Variants in RAPGEF4 observed in about 807,000 individuals in gnomAD.
The protein encoded by RAPGEF4 is RAP guanine-nucleotide-exchange factor (GEF) 4.
A neutral mutation model predicts 147.9 loss-of-function variants in RAPGEF4; 66 were observed. The observed-to-expected ratio is 0.45, with a 90% CI of 0.37 to 0.55. RAPGEF4 has a LOEUF of 0.55. Ranked by LOEUF, RAPGEF4 falls within the 20% of genes least tolerant of loss-of-function variation. RAPGEF4 has a pLI of 0.00. For synonymous variants in RAPGEF4, 419 were observed against 442.7 expected (o/e 0.95, Z 0.67); for missense variants, 1,071 against 1,257.3 (o/e 0.85, Z 2.24).
At chr2:172,883,800 A>G (rs1347106833) in intron 4 of RAPGEF4, among the ~76,000 whole-genome samples, 4 of 152,092 alleles carry the variant, frequency 2.6e-5, no homozygotes, top group Admixed American at 1.3e-4. Context: ...AGAAAGCCCA[A>G]CCCAAATCTG....
At chr2:172,969,037 A>C (rs971127514) in intron 10 of RAPGEF4, among the ~76,000 whole-genome samples, 1 of 152,150 alleles carries the variant, frequency 6.6e-6, no homozygotes, top group Non-Finnish European at 1.5e-5. Flanking sequence ...AAAGCACAGG[A>C]GGGGGCCCAC....
intron 27 of RAPGEF4, 71 bp from the exon 28 acceptor site, chr2:173,036,054 T>A: frequency 8.9e-7 from 1 of 1,119,610 alleles, no homozygotes; most frequent in Non-Finnish European, 1.4e-6. Context: ...GAAAGGCAGG[T>A]GTATTAGGAG....
intron 4 of RAPGEF4, among the ~76,000 whole-genome samples, chr2:172,817,398 T>C (rs1372118623): frequency 6.6e-6 from 1 of 152,206 alleles, no homozygotes; most frequent in East Asian, 1.9e-4. Context: ...TTCCTTGATA[T>C]GTCAGATAAT....
chr2:172,822,440 A>G (rs13404856), intron 4 of RAPGEF4, among the ~76,000 whole-genome samples: 29,542 of 152,196 alleles, frequency 0.19, 3,531 homozygotes, highest in Middle Eastern at 0.31. Context: ...CTCAGACTCA[A>G]TGAAGTCCTT....
intron 1 of RAPGEF4, among the ~76,000 whole-genome samples, chr2:172,746,218 T>C (rs1020481355): frequency 5.3e-5 from 8 of 152,220 alleles, no homozygotes; most frequent in Non-Finnish European, 1.2e-4. Flanking sequence ...TGGGGGAAAA[T>C]TACATTCTTG....
intron 1 of RAPGEF4, among the ~76,000 whole-genome samples, chr2:172,772,907 G>A (rs150192583): frequency 6.4e-4 from 98 of 152,216 alleles, no homozygotes; most frequent in African/African-American, 2.2e-3. Context: ...TCACAAGCAC[G>A]TGCTTTCTGA....
At chr2:172,802,908 T>G (rs1487342885) in intron 3 of RAPGEF4, among the ~76,000 whole-genome samples, 1 of 152,236 alleles carries the variant, frequency 6.6e-6, no homozygotes, top group Non-Finnish European at 1.5e-5. Context: ...CAGTCAAATC[T>G]TAAAGCTCCA....
chr2:172,814,308 T>C lies in RAPGEF4; in HGVS notation c.327T>C (p.Ile109=). ...QDAVTICTLG[I]GTAFGESILD... ...CTGTGACCATCTGTACCCTGGGAAT[T>C]GGGACGGCCTTTGGAGAGTCCATTC... The change falls in exon 4 of 31, where the codon ATT becomes ATC. Residue 109 remains isoleucine (I), a synonymous_variant. Coordinates refer to ENST00000397081, the MANE Select transcript of RAPGEF4 (RefSeq NM_007023.4). The C allele has an allele frequency of 6.2e-7, 1 of 1,614,190 alleles. No individual in the cohort carries two copies. The highest frequency in any genetic ancestry group is 8.5e-7 in the Non-Finnish European group (1 of 1,180,026).
intron 5 of RAPGEF4, among the ~76,000 whole-genome samples, chr2:172,919,696 C>T (rs924169667): frequency 6.6e-6 from 1 of 152,134 alleles, no homozygotes; most frequent in Admixed American, 6.6e-5. Context: ...TCCAGGTGAC[C>T]TCAGGTTCTT....
chr2:172,747,338 G>T (rs141860552), intron 1 of RAPGEF4, among the ~76,000 whole-genome samples: 1 of 152,312 alleles, frequency 6.6e-6, no homozygotes, highest in East Asian at 1.9e-4. Context: ...TAGTTACCTA[G>T]TATGTGTGTG....
At chr2:172,966,803 G>A (rs549373347) in intron 9 of RAPGEF4, among the ~76,000 whole-genome samples, 4 of 152,226 alleles carry the variant, frequency 2.6e-5, no homozygotes, top group Non-Finnish European at 5.9e-5. Flanking sequence ...AGACAGTACA[G>A]TTGATAAACA....
Position 173,036,670 on chromosome 2 carries a change from A to G in RAPGEF4, c.2831A>G (p.Asn944Ser). Reference protein sequence around the residue: ...THEGNKTFIDNLVNFEKMRMI... With the variant: ...THEGNKTFIDSLVNFEKMRMI... ...GAGGGGAACAAGACGTTCATTGACA[A>G]TCTAGTAAACTTTGAAAAAATGGTA... Residue 944 changes from asparagine to serine, a missense_variant, in exon 29 of 31, where the codon AAT (asparagine) becomes AGT (serine). Physicochemically the swap from Asn to Ser is conservative, Grantham distance 46. Coordinates refer to ENST00000397081, the MANE Select transcript of RAPGEF4 (RefSeq NM_007023.4). 2 of 1,611,628 alleles carry G rather than the reference A, an allele frequency of 1.2e-6. No homozygotes were observed. Among genetic ancestry groups the G allele is most frequent in the Non-Finnish European group, 1.7e-6 (2 of 1,178,224 alleles).
chr2:173,034,488 C>G (rs1015911639), intron 27 of RAPGEF4, among the ~76,000 whole-genome samples: 1 of 152,114 alleles, frequency 6.6e-6, no homozygotes, highest in Non-Finnish European at 1.5e-5. Context: ...TAGGAAATAT[C>G]TCCCCTTGGC....
intron 4 of RAPGEF4, among the ~76,000 whole-genome samples, chr2:172,828,088 A>G (rs981025121): frequency 1.3e-5 from 2 of 152,212 alleles, no homozygotes; most frequent in Non-Finnish European, 2.9e-5. Flanking sequence ...GCAGAAATGA[A>G]CAACTTGTGG....
chr2:172,862,627 A>C (rs1340678550), intron 4 of RAPGEF4, among the ~76,000 whole-genome samples: 1 of 152,156 alleles, frequency 6.6e-6, no homozygotes, highest in Non-Finnish European at 1.5e-5. Context: ...CTTGACTTTA[A>C]AGGTATTAAA....
At chr2:172,837,805 C>G (rs1691130343) in intron 4 of RAPGEF4, among the ~76,000 whole-genome samples, 1 of 152,154 alleles carries the variant, frequency 6.6e-6, no homozygotes, top group Admixed American at 6.5e-5. Context: ...CTCAAGTGAT[C>G]CTTCCACCTT....
intron 4 of RAPGEF4, among the ~76,000 whole-genome samples, chr2:172,853,635 C>T (rs887462296): frequency 2.6e-5 from 4 of 151,618 alleles, no homozygotes; most frequent in Non-Finnish European, 5.9e-5. Context: ...CTTGGGTCAT[C>T]GCTTTTATAC....
chr2:172,767,178 ATTT>A (rs530659614), intron 1 of RAPGEF4, among the ~76,000 whole-genome samples: 6 of 136,952 alleles, frequency 4.4e-5, no homozygotes, highest in African/African-American at 1.1e-4. Flanking sequence ...TAAACACTCT[ATTT>A]TTTTTTTTTT....
chr2:172,755,838 A>G (rs761890988), intron 1 of RAPGEF4, among the ~76,000 whole-genome samples: 1 of 152,248 alleles, frequency 6.6e-6, no homozygotes, highest in Non-Finnish European at 1.5e-5. Context: ...GGAAATTGGC[A>G]TCAGTAAAGT....
Sources: allele counts gnomAD v4.1 joint callset (sites outside exome capture counted in the v4.1 genomes callset), GRCh38; gene constraint gnomAD v4.1.1; transcripts MANE v1.5; gene names NCBI Gene and HGNC (gene_info 2026-07-23, HGNC 2026-07-21).